C20orf203: variants seen among roughly 807,000 people sequenced by gnomAD.
C20orf203 encodes the protein chromosome 20 open reading frame 203, also known as uncharacterized protein C20orf203.
C20orf203 carries 16 observed loss-of-function variants against 15.9 expected under a neutral mutation model. The observed-to-expected ratio is 1.01, with a 90% confidence interval of 0.68 to 1.53. C20orf203 has a LOEUF of 1.53. Among genes scored for constraint, C20orf203 ranks in the 40% most tolerant of loss-of-function variants. The pLI, the probability that C20orf203 is intolerant of heterozygous loss-of-function variation, is 0.00. For synonymous variants in C20orf203, 98 were observed against 97.2 expected (o/e 1.01, Z -0.05); for missense variants, 263 against 247.5 (o/e 1.06, Z -0.42).
intron 5 of C20orf203, among the ~76,000 whole-genome samples, chr20:32,638,979 T>A (rs139137749): frequency 7.9e-5 from 12 of 152,322 alleles, no homozygotes; most frequent in Non-Finnish European, 1.5e-4. Context: ...ACCCAACAAG[T>A]TCCAACAGGG....
chr20:32,650,374 G>A lies in C20orf203; in HGVS notation c.*58C>T. 1 of 1,257,508 alleles carries A rather than the reference G, an allele frequency of 8.0e-7. No individual in the cohort carries two copies. The highest frequency in any genetic ancestry group is 1.1e-6 in the Non-Finnish European group (1 of 893,250). 77.9% of individuals were successfully genotyped at this position (1,257,508 alleles called of 1,614,324 possible). A position where few individuals can be genotyped will look rare whatever the true frequency, so the allele number is the denominator to read the frequency against. Reference sequence around the variant, plus strand: ...TGGTAACAGGGGACACCCTGAGGTGGTGGTGGCCTTGGTAGGACAGGCAGG... The same window carrying A: ...TGGTAACAGGGGACACCCTGAGGTGATGGTGGCCTTGGTAGGACAGGCAGG... On this transcript the variant is annotated 3_prime_UTR_variant, in exon 4 of 6. Transcript: ENST00000608990.
At chr20:32,660,939 T>C (rs984808840) in intron 1 of C20orf203, among the ~76,000 whole-genome samples, 1 of 152,120 alleles carries the variant, frequency 6.6e-6, no homozygotes, top group Non-Finnish European at 1.5e-5. Context: ...GAGAACCGCA[T>C]GGGGGTAACT....
rs1006978682 is a variant in C20orf203 at position 32,643,421 on chromosome 20, C to T, written c.*1178-2734G>A. Among the ~76,000 whole-genome samples, 3 of 152,178 alleles carry T rather than the reference C, an allele frequency of 2.0e-5. No homozygotes were observed. In the South Asian group the frequency reaches 6.2e-4, roughly 32 times the overall value. The stretch of plus-strand genomic sequence containing the variant: ...CAGAGCATCTCCTGAATTCATTTAA[C>T]TTCTTTGAACCCCAGATTCTCCCAT... On this transcript the variant is annotated intron_variant, in intron 4 of 5. Coordinates refer to ENST00000608990, the MANE Select transcript of C20orf203 (RefSeq NM_182584.4).
At chr20:32,652,182 G>A (rs762328070) in intron 1 of C20orf203, among the ~76,000 whole-genome samples, 47 of 152,050 alleles carry the variant, frequency 3.1e-4, no homozygotes, top group Non-Finnish European at 5.6e-4. Flanking sequence ...GGTGGTGCAC[G>A]CCTGTAGTAC....
chr20:32,633,052 TG>T lies in C20orf203; in HGVS notation c.*2517del, dbSNP rs1982043277. ...CTCACTCACTATCATGAGAACAGCA[TG>T]GGGGAAACTGCCACCATTATTCAAT... is the stretch of plus-strand genomic sequence containing the variant. On this transcript the variant is annotated 3_prime_UTR_variant, in exon 6 of 6. Coordinates refer to ENST00000608990, the MANE Select transcript of C20orf203 (RefSeq NM_182584.4). 6.6e-6 allele frequency: 1 copy of T among 152,082 alleles called. No homozygotes were observed. The highest frequency in any genetic ancestry group is 2.4e-5 in the African/African-American group (1 of 41,396). 9.4% of individuals were successfully genotyped at this position (152,082 alleles called of 1,614,324 possible).
chr20:32,667,310 T>G (rs776972741), intron 1 of C20orf203, among the ~76,000 whole-genome samples: 10 of 152,256 alleles, frequency 6.6e-5, no homozygotes, highest in Non-Finnish European at 1.5e-4. Flanking sequence ...CTCTGGCTGC[T>G]GCCTGGAGGG....
At chr20:32,659,391 G>A (rs570803849) in intron 1 of C20orf203, among the ~76,000 whole-genome samples, 4 of 152,324 alleles carry the variant, frequency 2.6e-5, no homozygotes, top group South Asian at 4.1e-4. Flanking sequence ...AAACATTATC[G>A]CAGCTCAATG....
chr20:32,653,626 G>A (rs189223715), intron 1 of C20orf203, among the ~76,000 whole-genome samples: 39 of 152,234 alleles, frequency 2.6e-4, no homozygotes, highest in Admixed American at 2.3e-3. Flanking sequence ...GTGAGAGATT[G>A]GGTGCTTTCC....
At chr20:32,673,247 G>A (rs1020417339) in intron 1 of C20orf203, among the ~76,000 whole-genome samples, 1 of 152,294 alleles carries the variant, frequency 6.6e-6, no homozygotes, top group East Asian at 1.9e-4. Context: ...CACAGAGGCA[G>A]GAGGGAGTGA....
At chr20:32,662,074 C>T (rs1982903429) in intron 1 of C20orf203, among the ~76,000 whole-genome samples, 6 of 152,214 alleles carry the variant, frequency 3.9e-5, no homozygotes, top group Admixed American at 2.0e-4. Flanking sequence ...CACCCGCTCA[C>T]GCCCCAGGAT....
chr20:32,646,074 CTGTCTG>C (rs1039499156), intron 4 of C20orf203, among the ~76,000 whole-genome samples: 1 of 151,938 alleles, frequency 6.6e-6, no homozygotes. Flanking sequence ...GTCACTTAAC[CTGTCTG>C]TGTCTCTGCT....
chr20:32,638,475 G>T (rs1436722553), intron 5 of C20orf203, among the ~76,000 whole-genome samples: 1 of 152,152 alleles, frequency 6.6e-6, no homozygotes, highest in African/African-American at 2.4e-5. Context: ...GAAGTCACTT[G>T]CCCAGGGTCA....
In C20orf203 at chr20:32,650,588, G is replaced by A; in HGVS notation, c.429C>T (p.Gly143=). Residue 143 remains glycine, a synonymous_variant, in exon 4 of 6, where the codon GGC becomes GGT. Transcript: ENST00000608990. ...GAGCTTGGCCAAAGTCCCCCACCGT[G>A]CCCATTCTGGGCATCCCTCCCATTG... ...GRAMGGMPRM[G]TVGDFGQALS... 1.9e-6 allele frequency: 3 copies of A among 1,547,852 alleles called. No individual in the cohort carries two copies. Among genetic ancestry groups the A allele is most frequent in the Non-Finnish European group, 2.6e-6 (3 of 1,144,536 alleles).
In C20orf203 at chr20:32,650,844, C is replaced by T. The variant is rs1982600834; in HGVS notation, c.173G>A (p.Trp58Ter). Residue 58 changes from tryptophan (W) to a stop codon, truncating the protein, a stop_gained, in exon 4 of 6, where the codon TGG (tryptophan) becomes TAG (stop). Transcript: ENST00000608990. LOFTEE classifies it high-confidence loss of function. ...CCTTCCCGCCCCACCGCCAAGGTCC[C>T]AGAGGTGGGCAGTGAGTCCAGCCAA... is the stretch of plus-strand genomic sequence containing the variant. The part of the protein sequence containing the change: ...SVLAGLTAHL[W>*]DLGGGAGRRT... 6.8e-7 allele frequency: 1 copy of T among 1,465,436 alleles called. No individual in the cohort carries two copies. Among genetic ancestry groups the T allele is most frequent in the African/African-American group, 1.4e-5 (1 of 70,628 alleles). 90.8% of individuals were successfully genotyped at this position (1,465,436 alleles called of 1,614,324 possible).
Position 32,634,253 on chromosome 20 carries a change from AG to A in C20orf203, c.*1316del. ...TGGGGGCTCTGGAAAAGCTTCCTGG[AG>A]AAGGTTATGCTGGAGTCTGGAAAGA... On this transcript the variant is annotated 3_prime_UTR_variant, in exon 6 of 6. Transcript: ENST00000608990. 5.0e-6 allele frequency: 2 copies of A among 398,568 alleles called. No individual in the cohort carries two copies. The highest frequency in any genetic ancestry group is 8.8e-6 in the Non-Finnish European group (2 of 226,092). The allele number at this position is 398,568 out of a possible 1,614,324, so 24.7% of individuals were successfully genotyped here. A position where few individuals can be genotyped will look rare whatever the true frequency, so the allele number is the denominator to read the frequency against.
At chr20:32,656,299 C>T (rs1982752279) in intron 1 of C20orf203, among the ~76,000 whole-genome samples, 1 of 152,204 alleles carries the variant, frequency 6.6e-6, no homozygotes, top group African/African-American at 2.4e-5. Flanking sequence ...AGATACTCAA[C>T]ATCATTAGTC....
chr20:32,659,101 T>G (rs1033154207), intron 1 of C20orf203, among the ~76,000 whole-genome samples: 1 of 152,050 alleles, frequency 6.6e-6, no homozygotes, highest in Admixed American at 6.5e-5. Flanking sequence ...GGTCTCAAAC[T>G]CCCAAACTCA....
intron 1 of C20orf203, among the ~76,000 whole-genome samples, chr20:32,665,388 A>G (rs1278104462): frequency 2.6e-5 from 4 of 152,218 alleles, no homozygotes; most frequent in Non-Finnish European, 5.9e-5. Context: ...AAGAGCAGAG[A>G]GCCTGTGCTC....
At position 32,662,544 on chromosome 20, in the gene C20orf203, G is replaced by A. The variant is rs185158665; in HGVS notation, c.-263-10563C>T. Among the ~76,000 whole-genome samples, 12 of 152,250 alleles carry A rather than the reference G, an allele frequency of 7.9e-5. No homozygotes were observed. The East Asian group carries it at 2.3e-3, about 29-fold the overall frequency. Reference sequence around the variant, plus strand: ...TGAACCCGAGACGGAGTTGCGGTGAGCCAAGATCACGCCACTGCACTCCAG... The same window carrying A: ...TGAACCCGAGACGGAGTTGCGGTGAACCAAGATCACGCCACTGCACTCCAG... On this transcript the variant is annotated intron_variant, in intron 1 of 5. Transcript: ENST00000608990.
Sources: gnomAD v4.1 joint callset for allele counts (sites outside exome capture counted in the v4.1 genomes callset) on GRCh38, gnomAD v4.1.1 for gene constraint, MANE v1.5 for transcripts, NCBI Gene and HGNC (gene_info 2026-07-23, HGNC 2026-07-21) for gene names.